Variants in RABGAP1 observed in about 807,000 individuals in gnomAD.
The protein encoded by RABGAP1 is RAB GTPase activating protein 1.
A neutral mutation model predicts 137.6 loss-of-function variants in RABGAP1; 23 were observed. That is an observed-to-expected ratio of 0.17 (90% CI 0.12 to 0.24). The LOEUF (loss-of-function observed/expected upper bound fraction) is 0.24, where lower values mean the gene tolerates loss of function less well. Among genes scored for constraint, RABGAP1 ranks in the 10% least tolerant of loss-of-function variants. RABGAP1 has a pLI of 1.00. For synonymous variants in RABGAP1, 451 were observed against 450.7 expected, an observed-to-expected ratio of 1.00 and a Z score of -0.01; for missense variants, 906 against 1,275.8, an observed-to-expected ratio of 0.71 and a Z score of 4.42.
intron 7 of RABGAP1, 159 bp from the exon 8 acceptor site, chr9:122,996,380 A>C: frequency 1.9e-6 from 2 of 1,069,274 alleles, no homozygotes; most frequent in South Asian, 3.6e-5. Context: ...GAATTAGCTG[A>C]CCTTGAAGGA....
chr9:123,000,872 T>G (rs2131833555), intron 10 of RABGAP1, among the ~76,000 whole-genome samples: 1 of 152,244 alleles, frequency 6.6e-6, no homozygotes, highest in Non-Finnish European at 1.5e-5. Flanking sequence ...CTTGATTTCT[T>G]TTCAACATAA....
chr9:123,022,593 G>A (rs2031710636), intron 13 of RABGAP1, among the ~76,000 whole-genome samples: 1 of 151,914 alleles, frequency 6.6e-6, no homozygotes, highest in Non-Finnish European at 1.5e-5. Flanking sequence ...TTTTAGTAGA[G>A]ATGGGGTTTC....
At chr9:123,094,913 G>A (rs1373373791) in intron 21 of RABGAP1, among the ~76,000 whole-genome samples, 2 of 152,086 alleles carry the variant, frequency 1.3e-5, no homozygotes, top group Non-Finnish European at 2.9e-5. Flanking sequence ...ATATAAGGTT[G>A]TTTGTATTCT....
At chr9:122,937,808 A>G (rs1197866872), upstream of RABGAP1, 1 of 152,456 alleles carries the variant, frequency 6.6e-6, no homozygotes, top group Non-Finnish European at 1.5e-5. Context: ...CCTGGCCAAC[A>G]TGGTGAAACC....
chr9:123,016,992 T>C (rs2031280497), intron 12 of RABGAP1, among the ~76,000 whole-genome samples: 1 of 152,240 alleles, frequency 6.6e-6, no homozygotes, highest in African/African-American at 2.4e-5. Flanking sequence ...GATTTGTCTT[T>C]ACACAAGTTG....
Position 123,070,463 on chromosome 9 carries a change from C to T in RABGAP1, c.1983+39C>T, listed in dbSNP as rs558739388. 103 of 1,613,440 alleles carry T rather than the reference C, an allele frequency of 6.4e-5. No homozygotes were observed. Among genetic ancestry groups the T allele is most frequent in the Non-Finnish European group, 8.3e-5 (98 of 1,179,730 alleles). ...TCTCTGTTATGACTTAACACATGGC[C>T]TCCCTCAGCTTATACTAACCTTAGG... On this transcript the variant is annotated intron_variant, in intron 15 of 25. Transcript: ENST00000373647. This position sits in a 1 kb window ranked among gnomAD's most constrained non-coding sequence, Gnocchi z 4.4.
At chr9:123,098,676 T>C (rs1328652388) in intron 22 of RABGAP1, 39 bp from the exon 23 acceptor site, 1 of 1,575,976 alleles carries the variant, frequency 6.3e-7, no homozygotes, top group Admixed American at 1.8e-5. Flanking sequence ...CCTTTATTTT[T>C]CTGTTAACAT....
chr9:122,996,280 C>A, intron 7 of RABGAP1, 129 bp downstream of exon 7: 1 of 1,402,460 alleles, frequency 7.1e-7, no homozygotes, highest in Non-Finnish European at 9.3e-7. Context: ...ATTTTGTTTA[C>A]TGAAGTCAGT....
At chr9:123,047,932 T>G (rs1263431661) in intron 13 of RABGAP1, among the ~76,000 whole-genome samples, 2 of 72,936 alleles carry the variant, frequency 2.7e-5, no homozygotes, top group African/African-American at 1.9e-4. Context: ...TTTTTTTTTT[T>G]TTTTTTTTTT....
chr9:123,023,963 C>A (rs2031806411), intron 13 of RABGAP1, among the ~76,000 whole-genome samples: 1 of 151,830 alleles, frequency 6.6e-6, no homozygotes, highest in African/African-American at 2.4e-5. Flanking sequence ...AAAAAATTAA[C>A]CTGGCAAACA....
intron 19 of RABGAP1, among the ~76,000 whole-genome samples, chr9:123,079,266 G>A (rs1350950221): frequency 7.1e-6 from 1 of 141,676 alleles, no homozygotes; most frequent in African/African-American, 2.6e-5. Context: ...TTGAGACAGG[G>A]TCTCGCTTTG....
intron 13 of RABGAP1, among the ~76,000 whole-genome samples, chr9:123,030,005 T>C (rs1199856710): frequency 3.9e-5 from 6 of 152,264 alleles, no homozygotes; most frequent in African/African-American, 1.2e-4. Context: ...GTTCTGCTTT[T>C]CTTTTTAAGC....
intron 2 of RABGAP1, among the ~76,000 whole-genome samples, chr9:122,964,090 A>G (rs1207205875): frequency 1.3e-5 from 2 of 152,204 alleles, no homozygotes; most frequent in African/African-American, 4.8e-5. Context: ...AAGTACCCCA[A>G]AGAAACCCTG....
rs1196769027 is a variant in RABGAP1, at chr9:122,990,797, ATATATATATATATATATATATAT to A, written c.923+585_923+607del. Reference sequence around the variant, plus strand: ...AAAAAAAAAAAAAAAAAAAAAAAAAATATATATATATATATATATATATATATATATATATATATGGCCAAAGC... The same window carrying A: ...AAAAAAAAAAAAAAAAAAAAAAAAAAATATATATATATATATGGCCAAAGC... On this transcript the variant is annotated intron_variant, in intron 6 of 25. Transcript: ENST00000373647. The A allele has an allele frequency of 3.1e-3, 100 of 31,800 alleles. 4 individuals carry two copies. The highest frequency in any genetic ancestry group is 0.022 in the African/African-American group (96 of 4,326). 2.0% of individuals were successfully genotyped at this position (31,800 alleles called of 1,614,324 possible). A position where few individuals can be genotyped will look rare whatever the true frequency, so the allele number is the denominator to read the frequency against.
Position 123,070,455 on chromosome 9 carries a change from C to A in RABGAP1, c.1983+31C>A. 3.7e-6 allele frequency: 6 copies of A among 1,613,760 alleles called. No homozygotes were observed. Among genetic ancestry groups the A allele is most frequent in the Non-Finnish European group, 5.1e-6 (6 of 1,179,828 alleles). The stretch of plus-strand genomic sequence containing the variant: ...TAATTAGGTCTCTGTTATGACTTAA[C>A]ACATGGCCTCCCTCAGCTTATACTA... On this transcript the variant is annotated intron_variant, in intron 15 of 25. Transcript: ENST00000373647. The surrounding 1 kb of genome is among the most constrained non-coding windows in gnomAD (Gnocchi z 4.4).
chr9:123,039,189 C>G (rs181578102), intron 13 of RABGAP1, among the ~76,000 whole-genome samples: 1 of 152,272 alleles, frequency 6.6e-6, no homozygotes, highest in East Asian at 1.9e-4. Context: ...TACACCACTA[C>G]TCTGTGCTAC....
intron 13 of RABGAP1, among the ~76,000 whole-genome samples, chr9:123,054,971 A>T (rs994948455): frequency 6.6e-6 from 1 of 152,054 alleles, no homozygotes; most frequent in Non-Finnish European, 1.5e-5. Flanking sequence ...TCCACCATAA[A>T]GTTTCTTTTC....
intron 2 of RABGAP1, among the ~76,000 whole-genome samples, chr9:122,964,471 A>G (rs1248891199): frequency 2.0e-5 from 3 of 152,234 alleles, no homozygotes. Context: ...AACCCACATG[A>G]TCATCTCAGT....
In RABGAP1 at chr9:123,101,591, G is replaced by C; in HGVS notation, c.2915G>C (p.Cys972Ser). The C allele has an allele frequency of 6.2e-7, 1 of 1,614,076 alleles. No individual in the cohort carries two copies. The highest frequency in any genetic ancestry group is 8.5e-7 in the Non-Finnish European group (1 of 1,180,004). The change falls in exon 25 of 26, where the codon TGC (cysteine) becomes TCC (serine). Residue 972 changes from cysteine (C) to serine (S), a missense_variant. Coordinates refer to ENST00000373647, the MANE Select transcript of RABGAP1 (RefSeq NM_012197.4). ...IRQKVDDCER[C>S]REFFNKEGRV... is the part of the protein sequence containing the mutation. ...CAAAAAGTGGATGACTGTGAGCGGT[G>C]CCGGGAATTTTTCAACAAAGAAGGG...
Sources: allele counts gnomAD v4.1 joint callset (sites outside exome capture counted in the v4.1 genomes callset), GRCh38; gene constraint gnomAD v4.1.1; non-coding constraint Gnocchi (gnomAD v3.1); transcripts MANE v1.5; gene names NCBI Gene and HGNC (gene_info 2026-07-23, HGNC 2026-07-21).